GPC6: variants seen among roughly 807,000 people sequenced by gnomAD.
GPC6 encodes the protein glypican 6.
GPC6 carries 14 observed loss-of-function variants against 55.2 expected under a neutral mutation model. The ratio of observed to expected loss-of-function variants is 0.25; its 90% CI spans 0.17 to 0.40. The LOEUF is 0.40. Ranked by LOEUF, GPC6 falls within the 10% of genes least tolerant of loss-of-function variation. GPC6 has a pLI of 1.00. For missense variants in GPC6, 641 were observed against 708.5 expected (o/e 0.90, Z 1.08); for synonymous variants, 278 against 259.6 (o/e 1.07, Z -0.68).
intron 6 of GPC6, among the ~76,000 whole-genome samples, chr13:94,348,104 C>A (rs925515606): frequency 1.3e-5 from 2 of 152,206 alleles, no homozygotes; most frequent in African/African-American, 4.8e-5. Context: ...ACTTCCCCTG[C>A]CCGACTGGTT....
At chr13:94,190,566 T>C (rs1428206579) in intron 4 of GPC6, among the ~76,000 whole-genome samples, 2 of 152,166 alleles carry the variant, frequency 1.3e-5, no homozygotes, top group Admixed American at 1.3e-4. Context: ...CTAGTCTTCA[T>C]CCTGGGCTAA....
intron 1 of GPC6, among the ~76,000 whole-genome samples, chr13:93,228,206 C>G (rs1267461060): frequency 6.6e-6 from 1 of 152,176 alleles, no homozygotes; most frequent in African/African-American, 2.4e-5. Flanking sequence ...GGGACCTGGC[C>G]TCTGGACGCC....
intron 3 of GPC6, among the ~76,000 whole-genome samples, chr13:93,926,174 G>A (rs1424572852): frequency 6.6e-6 from 1 of 152,084 alleles, no homozygotes; most frequent in Non-Finnish European, 1.5e-5. Flanking sequence ...TCACACAGAT[G>A]AGCCCAGATG....
chr13:93,642,510 C>T (rs117279448), intron 2 of GPC6, among the ~76,000 whole-genome samples: 22 of 152,190 alleles, frequency 1.4e-4, no homozygotes, highest in Non-Finnish European at 2.2e-4. Context: ...TGGGTATACA[C>T]TCAATAATAA....
At chr13:94,390,133 A>G (rs1274462285) in intron 7 of GPC6, among the ~76,000 whole-genome samples, 1 of 152,254 alleles carries the variant, frequency 6.6e-6, no homozygotes, top group Non-Finnish European at 1.5e-5. Context: ...TGACTAACCA[A>G]CGAAAACAGC....
At chr13:94,006,826 T>C (rs1273214928) in intron 3 of GPC6, among the ~76,000 whole-genome samples, 1 of 152,184 alleles carries the variant, frequency 6.6e-6, no homozygotes, top group Non-Finnish European at 1.5e-5. Flanking sequence ...AGATTAAATA[T>C]ATTAAAGTTT....
intron 1 of GPC6, among the ~76,000 whole-genome samples, chr13:93,312,786 A>G (rs1879118461): frequency 1.3e-5 from 2 of 152,158 alleles, no homozygotes; most frequent in African/African-American, 2.4e-5. Flanking sequence ...GTTCTTTCTC[A>G]TGCTGTGTGT....
At chr13:94,058,680 T>G (rs1884216782) in intron 4 of GPC6, among the ~76,000 whole-genome samples, 1 of 152,194 alleles carries the variant, frequency 6.6e-6, no homozygotes, top group Non-Finnish European at 1.5e-5. Context: ...GTTTCTTATG[T>G]GAATGGCTCA....
At chr13:93,819,826 A>C (rs1321260982) in intron 2 of GPC6, among the ~76,000 whole-genome samples, 2 of 152,210 alleles carry the variant, frequency 1.3e-5, no homozygotes, top group Non-Finnish European at 2.9e-5. Flanking sequence ...TTCTTACTTT[A>C]AAAGATATCT....
At chr13:93,272,899 C>A (rs2139055503) in intron 1 of GPC6, among the ~76,000 whole-genome samples, 1 of 152,226 alleles carries the variant, frequency 6.6e-6, no homozygotes, top group Non-Finnish European at 1.5e-5. Flanking sequence ...ATGCTTCTTT[C>A]TATTAGGATT....
intron 4 of GPC6, among the ~76,000 whole-genome samples, chr13:94,163,938 G>C (rs777465075): frequency 1.3e-5 from 2 of 152,194 alleles, no homozygotes; most frequent in Non-Finnish European, 2.9e-5. Flanking sequence ...GCAGTGTGTA[G>C]AGGGTGTTGG....
chr13:94,291,975 T>C (rs1875003132), intron 5 of GPC6, among the ~76,000 whole-genome samples: 1 of 152,224 alleles, frequency 6.6e-6, no homozygotes, highest in Admixed American at 6.5e-5. Flanking sequence ...AAGCAGTTAC[T>C]ATTAGAAGTC....
chr13:93,418,341 C>T (rs886145203), intron 1 of GPC6, among the ~76,000 whole-genome samples: 1 of 151,028 alleles, frequency 6.6e-6, no homozygotes, highest in Non-Finnish European at 1.5e-5. Context: ...ATTAACTATA[C>T]CCTATTTTTA....
intron 1 of GPC6, among the ~76,000 whole-genome samples, chr13:93,475,549 G>A (rs1038185581): frequency 1.3e-5 from 2 of 152,154 alleles, no homozygotes. Flanking sequence ...ACAGTAAGAT[G>A]TTTTGCTTTT....
At chr13:93,435,393 G>A (rs1877533583) in intron 1 of GPC6, among the ~76,000 whole-genome samples, 1 of 152,014 alleles carries the variant, frequency 6.6e-6, no homozygotes, top group Non-Finnish European at 1.5e-5. Context: ...TGGTACTACA[G>A]TCGTGAGTCA....
At chr13:93,697,127 C>A (rs1035730721) in intron 2 of GPC6, among the ~76,000 whole-genome samples, 1 of 152,106 alleles carries the variant, frequency 6.6e-6, no homozygotes. Context: ...CTTAGCATGA[C>A]CTGCAAGGCC....
chr13:93,478,651 C>T (rs1879388521), intron 1 of GPC6, among the ~76,000 whole-genome samples: 1 of 152,202 alleles, frequency 6.6e-6, no homozygotes, highest in Non-Finnish European at 1.5e-5. Flanking sequence ...GGTTTTGGCA[C>T]TGGGAGCAAT....
chr13:93,505,771 G>T (rs1007143173), intron 1 of GPC6, among the ~76,000 whole-genome samples: 2 of 152,196 alleles, frequency 1.3e-5, no homozygotes, highest in Non-Finnish European at 2.9e-5. Context: ...TTTGTCCTCA[G>T]CTGGGAACAT....
At chr13:93,760,393 T>C (rs1884919353) in intron 2 of GPC6, among the ~76,000 whole-genome samples, 1 of 152,142 alleles carries the variant, frequency 6.6e-6, no homozygotes, top group Non-Finnish European at 1.5e-5. Context: ...GACGTTCCTC[T>C]CACACCTGGA....
Sources: allele counts gnomAD v4.1 joint callset (sites outside exome capture counted in the v4.1 genomes callset), GRCh38; gene constraint gnomAD v4.1.1; transcripts MANE v1.5; gene names NCBI Gene and HGNC (gene_info 2026-07-23, HGNC 2026-07-21).